KIF5B: variants seen among roughly 807,000 people sequenced by gnomAD.
KIF5B encodes kinesin family member 5B.
Under a neutral mutation model 132.8 loss-of-function variants are expected in KIF5B, and 49 were observed. That is an observed-to-expected ratio of 0.37 (90% confidence interval 0.29 to 0.47). The LOEUF is 0.47. Among genes scored for constraint, KIF5B ranks in the 20% least tolerant of loss-of-function variants. The pLI, the probability that KIF5B is intolerant of heterozygous loss-of-function variation, is 1.00. For synonymous variants in KIF5B, 355 were observed against 369.4 expected, an observed-to-expected ratio of 0.96 and a Z score of 0.45; for missense variants, 780 against 1,144.0, an observed-to-expected ratio of 0.68 and a Z score of 4.59.
At chr10:32,024,183 C>T (rs908115478) in intron 15 of KIF5B, among the ~76,000 whole-genome samples, 2 of 98,058 alleles carry the variant, frequency 2.0e-5, no homozygotes, top group African/African-American at 8.0e-5. Context: ...GAGACGGAGT[C>T]TCGCTCTGTC....
chr10:32,021,087 T>C lies in KIF5B; in HGVS notation c.2139A>G (p.Gln713=), dbSNP rs568701642. 2 of 1,613,894 alleles carry C rather than the reference T, an allele frequency of 1.2e-6. No homozygotes were observed. Among genetic ancestry groups the C allele is most frequent in the East Asian group, 2.2e-5 (1 of 44,840 alleles). The change falls in exon 19 of 26, where the codon CAA becomes CAG. Residue 713 remains glutamine, a synonymous_variant. Transcript: ENST00000302418. ...CATCTCTCAAACTACTGATCTGTTT[T>C]TGATGAGTTTCTCTATGGCTCTGGA... ...QQIQSHRETH[Q]KQISSLRDEV...
Position 32,017,128 on chromosome 10 carries a change from A to T in KIF5B, c.2761+15T>A, listed in dbSNP as rs750363519. 2 of 1,599,752 alleles carry T rather than the reference A, an allele frequency of 1.3e-6. No individual in the cohort carries two copies. Among genetic ancestry groups the T allele is most frequent in the Admixed American group, 1.7e-5 (1 of 59,952 alleles). ...AATTGAGCAAGGTTTAAAGGTTTTA[A>T]TGTGTTCTACTAACCAATCTGTGCA... On this transcript the variant is annotated intron_variant, in intron 24 of 25. Transcript: ENST00000302418.
chr10:32,040,936 C>T (rs1184747882), intron 2 of KIF5B, among the ~76,000 whole-genome samples: 1 of 148,968 alleles, frequency 6.7e-6, no homozygotes, highest in Admixed American at 6.7e-5. Context: ...TGCAGTGAGC[C>T]GAGATCGCGC....
intron 9 of KIF5B, 100 bp downstream of exon 9, chr10:32,035,790 T>TTCTC (rs150931224): frequency 8.0e-7 from 1 of 1,254,324 alleles, no homozygotes; most frequent in East Asian, 2.4e-5. Context: ...CAATCTCTCT[T>TTCTC]TCTCTCTCTC....
chr10:32,021,421 G>GCTCTC (rs1841257087), intron 17 of KIF5B, 134 bp from the exon 18 acceptor site: 4 of 649,792 alleles, frequency 6.2e-6, no homozygotes, highest in Non-Finnish European at 1.1e-5. Context: ...AATGTCACCT[G>GCTCTC]CTCTCCAAGT....
At chr10:32,054,883 T>A (rs779295870) in intron 1 of KIF5B, among the ~76,000 whole-genome samples, 5 of 152,212 alleles carry the variant, frequency 3.3e-5, no homozygotes, top group Non-Finnish European at 7.3e-5. Flanking sequence ...CAACTCTAGT[T>A]ATGTTTTTCA....
intron 15 of KIF5B, among the ~76,000 whole-genome samples, chr10:32,024,375 T>C (rs1284509520): frequency 5.4e-5 from 8 of 147,128 alleles, no homozygotes; most frequent in African/African-American, 1.2e-4. Context: ...AGGATGGTCT[T>C]GATCTCCTGA....
At chr10:32,017,467 G>T in intron 23 of KIF5B, 108 bp from the exon 24 acceptor site, 1 of 821,360 alleles carries the variant, frequency 1.2e-6, no homozygotes, top group Non-Finnish European at 1.9e-6. Context: ...ATTTTATATT[G>T]TTTCCCATTT....
At chr10:32,038,710 C>T (rs1841493071) in intron 5 of KIF5B, 68 bp downstream of exon 5, 6 of 907,376 alleles carry the variant, frequency 6.6e-6, no homozygotes, top group Non-Finnish European at 1.7e-6. Flanking sequence ...AAGAAATAGT[C>T]TCACATCTAT....
At chr10:32,026,623 A>G (rs1041258308) in intron 15 of KIF5B, among the ~76,000 whole-genome samples, 1 of 151,816 alleles carries the variant, frequency 6.6e-6, no homozygotes, top group Non-Finnish European at 1.5e-5. Flanking sequence ...TCTAGTAGTC[A>G]TGGAACCTGG....
chr10:32,015,865 G>C (rs1277026593), intron 24 of KIF5B, among the ~76,000 whole-genome samples: 1 of 152,136 alleles, frequency 6.6e-6, no homozygotes, highest in African/African-American at 2.4e-5. Flanking sequence ...TTCCTGGCCA[G>C]GCGTAGTGGC....
chr10:32,053,030 C>T (rs946971947), intron 1 of KIF5B, among the ~76,000 whole-genome samples: 2 of 152,186 alleles, frequency 1.3e-5, no homozygotes, highest in African/African-American at 4.8e-5. Flanking sequence ...TCATAAACTA[C>T]AATATTCTTT....
At chr10:32,055,585 T>A (rs1239801151) in intron 1 of KIF5B, among the ~76,000 whole-genome samples, 1 of 152,198 alleles carries the variant, frequency 6.6e-6, no homozygotes, top group Admixed American at 6.5e-5. Context: ...CGTTCCTCCA[T>A]TGCCCCAGGT....
intron 14 of KIF5B, among the ~76,000 whole-genome samples, chr10:32,030,666 T>C (rs1841392142): frequency 2.0e-5 from 3 of 152,260 alleles, no homozygotes; most frequent in Non-Finnish European, 4.4e-5. Context: ...TCACAGTTGA[T>C]TAAATAGCAT....
At chr10:32,033,145 T>C (rs1337701263) in intron 12 of KIF5B, among the ~76,000 whole-genome samples, 1 of 152,234 alleles carries the variant, frequency 6.6e-6, no homozygotes, top group African/African-American at 2.4e-5. Context: ...CAGGAAGATA[T>C]TATTTCCACT....
Position 32,055,907 on chromosome 10 carries a change from C to T in KIF5B, c.67G>A (p.Val23Met). 6.2e-7 allele frequency: 1 copy of T among 1,612,858 alleles called. No individual in the cohort carries two copies. The highest frequency in any genetic ancestry group is 8.5e-7 in the Non-Finnish European group (1 of 1,179,922). The change falls in exon 1 of 26, where the codon GTG becomes ATG. Residue 23 changes from valine (V) to methionine (M), a missense_variant. Val to Met is a conservative substitution (Grantham distance 21). Coordinates refer to ENST00000302418, the MANE Select transcript of KIF5B (RefSeq NM_004521.3). ...CRFRPLNESEVNRGDKYIAKF... is the reference protein window; with the variant it reads ...CRFRPLNESEMNRGDKYIAKF... ...GCGATGTACTTGTCGCCGCGGTTCA[C>T]TTCAGACTCGTTGAGAGGTCTGAAG...
intron 2 of KIF5B, among the ~76,000 whole-genome samples, chr10:32,047,363 G>C (rs1841625717): frequency 6.6e-6 from 1 of 151,912 alleles, no homozygotes; most frequent in Non-Finnish European, 1.5e-5. Flanking sequence ...TCACTCCTTT[G>C]ACTATATCCT....
rs760095514 is a variant in KIF5B at position 32,031,084 on chromosome 10, T to G, written c.1570A>C (p.Asn524His). 1.9e-6 allele frequency: 3 copies of G among 1,610,256 alleles called. No individual in the cohort carries two copies. In the African/African-American group the frequency reaches 4.0e-5, roughly 22 times the overall value. The change falls in exon 14 of 26, where the codon AAT (asparagine) becomes CAT (histidine). Residue 524 changes from asparagine to histidine, a missense_variant. Asn to His is a moderately conservative substitution (Grantham distance 68). Around this residue, in one of 9 missense-constraint regions of KIF5B, gnomAD observed 471 missense variants for 569.9 expected, o/e 0.83. Coordinates refer to ENST00000302418, the MANE Select transcript of KIF5B (RefSeq NM_004521.3). ...AAACTATATCCTACCGATTTCTGAT[T>G]CAATTCATCACTAAGCAATTCATAT... ...KEYELLSDEL[N>H]QKSATLASID...
chr10:32,046,169 G>A (rs944918333), intron 2 of KIF5B, among the ~76,000 whole-genome samples: 7 of 151,998 alleles, frequency 4.6e-5, no homozygotes, highest in Non-Finnish European at 7.4e-5. Flanking sequence ...TAAAGCTGGC[G>A]GCAAGAGATA....
Sources: allele counts gnomAD v4.1 joint callset (sites outside exome capture counted in the v4.1 genomes callset), GRCh38; gene constraint gnomAD v4.1.1; regional missense constraint gnomAD v4.1.1; transcripts MANE v1.5; gene names NCBI Gene and HGNC (gene_info 2026-07-23, HGNC 2026-07-21).